FLT1: variants seen among roughly 807,000 people sequenced by gnomAD.
The protein encoded by FLT1 is vascular endothelial growth factor receptor 1.
Under a neutral mutation model 156.3 loss-of-function variants are expected in FLT1, and 49 were observed. That is an observed-to-expected ratio of 0.31 (90% CI 0.25 to 0.40). FLT1 has a LOEUF of 0.40. FLT1 is among the 10% of genes least tolerant of loss of function. FLT1 has a pLI of 1.00. For missense variants in FLT1, 1,322 were observed against 1,637.2 expected (o/e 0.81, Z 3.32); for synonymous variants, 594 against 583.8 (o/e 1.02, Z -0.25).
intron 29 of FLT1, among the ~76,000 whole-genome samples, chr13:28,303,745 T>G (rs1193787450): frequency 1.3e-5 from 2 of 152,180 alleles, no homozygotes; most frequent in Admixed American, 6.5e-5. Flanking sequence ...AATATTCAAA[T>G]TTTTCATATT....
At chr13:28,389,336 C>T (rs1305682334) in intron 13 of FLT1, 11 of 1,228,778 alleles carry the variant, frequency 9.0e-6, no homozygotes, top group Non-Finnish European at 1.0e-5. Context: ...CAGAAACCAG[C>T]ATTTGTTTAA....
intron 12 of FLT1, among the ~76,000 whole-genome samples, chr13:28,395,163 T>G (rs924707467): frequency 4.6e-5 from 7 of 152,206 alleles, no homozygotes; most frequent in African/African-American, 1.7e-4. Flanking sequence ...GAAAGTATAT[T>G]TGTCCATAGG....
chr13:28,307,066 G>A (rs1318404153), intron 28 of FLT1, among the ~76,000 whole-genome samples: 1 of 152,214 alleles, frequency 6.6e-6, no homozygotes, highest in Non-Finnish European at 1.5e-5. Flanking sequence ...AAACTGTGAT[G>A]CAATTTATTG....
intron 28 of FLT1, among the ~76,000 whole-genome samples, chr13:28,307,315 C>T (rs910078459): frequency 5.3e-5 from 8 of 152,154 alleles, no homozygotes; most frequent in Non-Finnish European, 7.3e-5. Context: ...TTTGTTAATA[C>T]GGCATGTTCC....
At chr13:28,358,747 A>G (rs1873000918) in intron 14 of FLT1, among the ~76,000 whole-genome samples, 1 of 152,222 alleles carries the variant, frequency 6.6e-6, no homozygotes, top group Non-Finnish European at 1.5e-5. Flanking sequence ...CTCAACACAT[A>G]CACTCACACA....
At chr13:28,369,558 C>T (rs190965544) in intron 14 of FLT1, among the ~76,000 whole-genome samples, 37 of 152,242 alleles carry the variant, frequency 2.4e-4, no homozygotes, top group Non-Finnish European at 4.7e-4. Context: ...AACGATTAAT[C>T]CATAAATGAC....
chr13:28,307,657 A>AT (rs5802471), intron 28 of FLT1, among the ~76,000 whole-genome samples: 136,206 of 147,168 alleles, frequency 0.93, 63,233 homozygotes, highest in East Asian at 0.99. Context: ...TTCGTTTTTG[A>AT]TTTTTTTTTT....
intron 15 of FLT1, among the ~76,000 whole-genome samples, chr13:28,348,828 G>A (rs981888745): frequency 6.6e-6 from 1 of 152,042 alleles, no homozygotes; most frequent in Admixed American, 6.5e-5. Context: ...GGAATTGCTT[G>A]AACGCGGGAG....
At chr13:28,337,714 G>A (rs993986541) in intron 17 of FLT1, among the ~76,000 whole-genome samples, 1 of 152,204 alleles carries the variant, frequency 6.6e-6, no homozygotes, top group South Asian at 2.1e-4. Flanking sequence ...AACCCACAGA[G>A]CCCCAGGGGA....
intron 3 of FLT1, among the ~76,000 whole-genome samples, chr13:28,449,459 A>G (rs1878798207): frequency 1.3e-5 from 2 of 152,176 alleles, no homozygotes; most frequent in South Asian, 4.1e-4. Flanking sequence ...ATATCTTAAG[A>G]ACCTCAACTA....
chr13:28,377,889 C>T (rs1019715580), intron 14 of FLT1, among the ~76,000 whole-genome samples: 3 of 150,798 alleles, frequency 2.0e-5, no homozygotes, highest in South Asian at 4.2e-4. Flanking sequence ...TTTAATTTAC[C>T]TTATATCTTA....
intron 16 of FLT1, among the ~76,000 whole-genome samples, chr13:28,341,675 C>T (rs985995184): frequency 3.9e-5 from 6 of 152,080 alleles, no homozygotes; most frequent in Admixed American, 6.5e-5. Context: ...TTTACATTGT[C>T]GTTAGAGGAA....
intron 13 of FLT1, chr13:28,387,840 TAATTAC>T: frequency 3.8e-6 from 4 of 1,043,370 alleles, no homozygotes; most frequent in Non-Finnish European, 4.6e-6. Context: ...CCGGAAGGAT[TAATTAC>T]ACAGTGAACA....
intron 23 of FLT1, 63 bp downstream of exon 23, chr13:28,321,400 C>A: frequency 2.5e-6 from 4 of 1,583,764 alleles, no homozygotes; most frequent in Non-Finnish European, 3.5e-6. Context: ...TAAATATTTA[C>A]CAAGTCTGTG....
At chr13:28,491,823 A>G (rs1881484828) in intron 1 of FLT1, among the ~76,000 whole-genome samples, 1 of 152,234 alleles carries the variant, frequency 6.6e-6, no homozygotes, top group South Asian at 2.1e-4. Flanking sequence ...CACCTATACT[A>G]ACGTCTTCAT....
At position 28,389,893 on chromosome 13, in the gene FLT1, C is replaced by A. The variant is rs752004457; in HGVS notation, c.1872G>T (p.Met624Ile). ...EHSITLNLTI[M>I]NVSLQDSGTY... The stretch of plus-strand genomic sequence containing the variant: ...TGCCTGAATCTTGCAGGGAAACATT[C>A]ATGATGGTAAGATTAAGAGTGATGG... Residue 624 changes from methionine (M) to isoleucine (I), a missense_variant, in exon 13 of 30, where the codon ATG becomes ATT. Met to Ile is a conservative substitution (Grantham distance 10, BLOSUM62 1). Transcript: ENST00000282397. 8 of 1,614,040 alleles carry A rather than the reference C, an allele frequency of 5.0e-6. No homozygotes were observed. Among genetic ancestry groups the A allele is most frequent in the South Asian group, 1.1e-5 (1 of 91,084 alleles).
intron 25 of FLT1, 29 bp from the exon 26 acceptor site, chr13:28,312,127 T>C (rs755059929): frequency 1.4e-6 from 2 of 1,401,498 alleles, no homozygotes; most frequent in Non-Finnish European, 1.0e-6. Flanking sequence ...ACAGAAATAG[T>C]TGGAGAGCAG....
chr13:28,333,933 G>A lies in FLT1; in HGVS notation c.2593+92C>T, dbSNP rs966002657. The A allele has an allele frequency of 1.3e-5, 11 of 860,386 alleles. No homozygotes were observed. The Admixed American group carries it at 1.4e-4, about 11-fold the overall frequency. 53.3% of individuals were successfully genotyped at this position (860,386 alleles called of 1,614,324 possible). A position where few individuals can be genotyped will look rare whatever the true frequency, so the allele number is the denominator to read the frequency against. On this transcript the variant is annotated intron_variant, in intron 18 of 29. Coordinates refer to ENST00000282397, the MANE Select transcript of FLT1 (RefSeq NM_002019.4). The stretch of plus-strand genomic sequence containing the variant: ...ATGTGTCCAGAGCAGAAAAGCTTGT[G>A]TCTGTTCCCAGGCTATATCTAACTT...
intron 3 of FLT1, among the ~76,000 whole-genome samples, chr13:28,453,454 G>A (rs1296185494): frequency 6.6e-6 from 1 of 152,056 alleles, no homozygotes; most frequent in Non-Finnish European, 1.5e-5. Flanking sequence ...GTATCCCAAG[G>A]TTGGATACAT....
Sources: gnomAD v4.1 joint callset for allele counts (sites outside exome capture counted in the v4.1 genomes callset) on GRCh38, gnomAD v4.1.1 for gene constraint, MANE v1.5 for transcripts, NCBI Gene and HGNC (gene_info 2026-07-23, HGNC 2026-07-21) for gene names.